Variants in ENOX2 observed in about 807,000 individuals in gnomAD.
ENOX2 encodes the protein APK1 antigen.
Under a neutral mutation model 45.0 loss-of-function variants are expected in ENOX2, and 36 were observed. That is an observed-to-expected ratio of 0.80 (90% CI 0.61 to 1.06). The LOEUF is 1.06. ENOX2 is among the 50% of genes least tolerant of loss of function. The pLI is 0.00. For synonymous variants in ENOX2, 174 were observed against 152.3 expected (o/e 1.14, Z -1.05); for missense variants, 423 against 462.5 (o/e 0.91, Z 0.78).
chrX:130,832,387 T>C (rs1263998234), intron 2 of ENOX2, among the ~76,000 whole-genome samples: 1 of 106,692 alleles, frequency 9.4e-6, no homozygotes, highest in Non-Finnish European at 1.9e-5. Flanking sequence ...CAAATACACC[T>C]AAAGGCAGAT....
chrX:130,674,742 A>G (rs184247755), intron 6 of ENOX2, among the ~76,000 whole-genome samples: 1 of 103,737 alleles, frequency 9.6e-6, no homozygotes, highest in East Asian at 3.1e-4. Context: ...AGCATTAGGT[A>G]TATCTCCTAA....
intron 3 of ENOX2, 78 bp downstream of exon 3, chrX:130,783,469 T>C (rs1237935691): frequency 3.2e-6 from 1 of 311,191 alleles, no homozygotes; most frequent in Non-Finnish European, 6.1e-6. Flanking sequence ...GCATAGTATG[T>C]GACCTGCCAC....
At chrX:130,652,873 G>A (rs1180860385) in intron 10 of ENOX2, among the ~76,000 whole-genome samples, 4 of 112,141 alleles carry the variant, frequency 3.6e-5, no homozygotes, top group Non-Finnish European at 7.5e-5. Context: ...GAAACTAGGA[G>A]ACAGGAATGC....
chrX:130,720,354 C>T (rs1341421626), intron 3 of ENOX2, among the ~76,000 whole-genome samples: 1 of 112,315 alleles, frequency 8.9e-6, no homozygotes, highest in Non-Finnish European at 1.9e-5. Context: ...CCCTCCTGGC[C>T]CATCAAAGAA....
intron 3 of ENOX2, among the ~76,000 whole-genome samples, chrX:130,759,023 C>T (rs980753978): frequency 4.5e-5 from 5 of 111,285 alleles, no homozygotes; most frequent in Admixed American, 9.5e-5. Flanking sequence ...CCTCCTAACA[C>T]GGTCTTTCCC....
At chrX:130,798,845 C>T (rs936661845) in intron 2 of ENOX2, among the ~76,000 whole-genome samples, 5 of 111,884 alleles carry the variant, frequency 4.5e-5, no homozygotes, top group Admixed American at 9.5e-5. Flanking sequence ...TGAAGAATAC[C>T]GGAAAGCACT....
intron 2 of ENOX2, among the ~76,000 whole-genome samples, chrX:130,838,474 C>T (rs1244203000): frequency 8.9e-6 from 1 of 112,059 alleles, no homozygotes; most frequent in Non-Finnish European, 1.9e-5. Context: ...AGATAATATA[C>T]GCAAAGTGCC....
At chrX:130,756,479 T>C (rs1205277458) in intron 3 of ENOX2, among the ~76,000 whole-genome samples, 1 of 112,072 alleles carries the variant, frequency 8.9e-6, no homozygotes, top group Admixed American at 9.5e-5. Context: ...TTATCGTCCC[T>C]GGGATGCTGT....
chrX:130,675,883 T>C (rs1369799671), intron 6 of ENOX2, among the ~76,000 whole-genome samples: 1 of 112,235 alleles, frequency 8.9e-6, no homozygotes, highest in Non-Finnish European at 1.9e-5. Flanking sequence ...TTAAGATCAT[T>C]GTATGTCAAT....
chrX:130,846,754 C>T (rs930914895), intron 2 of ENOX2, among the ~76,000 whole-genome samples: 2 of 112,730 alleles, frequency 1.8e-5, no homozygotes, highest in Non-Finnish European at 3.7e-5. Flanking sequence ...AGTGAGGTAT[C>T]CATGTACCAT....
chrX:130,832,225 C>T (rs1402982057), intron 2 of ENOX2, among the ~76,000 whole-genome samples: 2 of 110,852 alleles, frequency 1.8e-5, no homozygotes, highest in Non-Finnish European at 3.8e-5. Context: ...TTTCCTCAAG[C>T]CATTTATTCC....
rs767334662 is a variant in ENOX2 at position 130,731,856 on chromosome X, CA to C, written c.-38-28603del. 5.4e-4 allele frequency among the ~76,000 whole-genome samples: 60 copies of C among 111,590 alleles called. 1 individual carries two copies. In the South Asian group the frequency reaches 0.021, roughly 39 times the overall value. Reference sequence around the variant, plus strand: ...TGGAAATAGAAGGAAAGGACCTCAGCATAATAAAGGTCATATGTGACAAGCC... The same window carrying C: ...TGGAAATAGAAGGAAAGGACCTCAGCTAATAAAGGTCATATGTGACAAGCC... On this transcript the variant is annotated intron_variant, in intron 3 of 14. Coordinates refer to ENST00000394363, the MANE Select transcript of ENOX2 (RefSeq NM_006375.4).
At chrX:130,674,988 T>C (rs1341590985) in intron 6 of ENOX2, among the ~76,000 whole-genome samples, 1 of 98,384 alleles carries the variant, frequency 1.0e-5, no homozygotes, top group African/African-American at 3.7e-5. Context: ...ATGGTGTATA[T>C]GTGCCACATT....
chrX:130,892,463 T>C (rs2078999744), intron 2 of ENOX2, among the ~76,000 whole-genome samples: 1 of 112,371 alleles, frequency 8.9e-6, no homozygotes, highest in Admixed American at 9.4e-5. Flanking sequence ...GGTGGAGACA[T>C]CCTGCTTTCC....
At chrX:130,770,303 T>G (rs1187683218) in intron 3 of ENOX2, among the ~76,000 whole-genome samples, 1 of 111,820 alleles carries the variant, frequency 8.9e-6, no homozygotes, top group Non-Finnish European at 1.9e-5. Flanking sequence ...GAAAACGTAA[T>G]TTGACATACG....
chrX:130,712,136 G>A (rs1034294910), intron 3 of ENOX2, among the ~76,000 whole-genome samples: 3 of 112,122 alleles, frequency 2.7e-5, no homozygotes, highest in African/African-American at 9.7e-5. Context: ...TGGGGATAAT[G>A]ATACCTATCT....
chrX:130,631,049 C>G lies in ENOX2; in HGVS notation c.1528+419G>C, dbSNP rs571334130. Among the ~76,000 whole-genome samples, 7 of 111,327 alleles carry G rather than the reference C, an allele frequency of 6.3e-5. No homozygotes were observed. In the South Asian group the frequency reaches 2.7e-3, roughly 43 times the overall value. Reference sequence around the variant, plus strand: ...GTTGTAAAAATAGCTTAGCCAGTAACCTGGAAAAACTTGAGAGGCCTATAG... The same window carrying G: ...GTTGTAAAAATAGCTTAGCCAGTAAGCTGGAAAAACTTGAGAGGCCTATAG... On this transcript the variant is annotated intron_variant, in intron 13 of 14. Coordinates refer to ENST00000394363, the MANE Select transcript of ENOX2 (RefSeq NM_006375.4).
chrX:130,761,833 C>T (rs1321105202), intron 3 of ENOX2, among the ~76,000 whole-genome samples: 1 of 111,440 alleles, frequency 9.0e-6, no homozygotes, highest in South Asian at 3.8e-4. Context: ...CCAGGCCCCA[C>T]CTCCAACACT....
intron 3 of ENOX2, among the ~76,000 whole-genome samples, chrX:130,773,095 T>C (rs1041836093): frequency 3.6e-5 from 4 of 112,491 alleles, no homozygotes; most frequent in African/African-American, 1.3e-4. Flanking sequence ...TCACAGCTTA[T>C]TGTGGTAACT....
Sources: allele counts gnomAD v4.1 joint callset (sites outside exome capture counted in the v4.1 genomes callset), GRCh38; gene constraint gnomAD v4.1.1; transcripts MANE v1.5; gene names NCBI Gene and HGNC (gene_info 2026-07-23, HGNC 2026-07-21).